EPB41L4A: variants seen among roughly 807,000 people sequenced by gnomAD.
EPB41L4A encodes erythrocyte membrane protein band 4.1 like 4A.
Under a neutral mutation model 108.6 loss-of-function variants are expected in EPB41L4A, and 100 were observed. The ratio of observed to expected loss-of-function variants is 0.92; its 90% confidence interval spans 0.78 to 1.09. The LOEUF is 1.09. Among genes scored for constraint, EPB41L4A ranks in the 50% least tolerant of loss-of-function variants. The pLI, the probability that EPB41L4A is intolerant of heterozygous loss-of-function variation, is 0.00. For synonymous variants in EPB41L4A, 319 were observed against 289.0 expected, an observed-to-expected ratio of 1.10 and a Z score of -1.05; for missense variants, 1,030 against 842.7, an observed-to-expected ratio of 1.22 and a Z score of -2.75.
intron 4 of EPB41L4A, among the ~76,000 whole-genome samples, chr5:112,274,443 G>C (rs961402005): frequency 6.6e-6 from 1 of 152,132 alleles, no homozygotes. Flanking sequence ...GGTCCAATTA[G>C]CCTACCCTCT....
intron 1 of EPB41L4A, among the ~76,000 whole-genome samples, chr5:112,393,066 C>T (rs950067479): frequency 1.3e-5 from 2 of 152,118 alleles, no homozygotes; most frequent in African/African-American, 4.8e-5. Flanking sequence ...CAACGTACCA[C>T]AATCTCTGGG....
At chr5:112,390,592 C>G (rs151048054) in intron 1 of EPB41L4A, among the ~76,000 whole-genome samples, 5 of 152,210 alleles carry the variant, frequency 3.3e-5, no homozygotes, top group African/African-American at 7.2e-5. Context: ...GCCAGCGTGA[C>G]TCTGTAGACT....
chr5:112,334,700 G>A (rs756864903), intron 1 of EPB41L4A, among the ~76,000 whole-genome samples: 7 of 152,028 alleles, frequency 4.6e-5, no homozygotes, highest in Non-Finnish European at 5.9e-5. Flanking sequence ...GTCTTTGCCT[G>A]ACTTCTGTCT....
At chr5:112,255,488 T>C (rs755045033) in intron 9 of EPB41L4A, among the ~76,000 whole-genome samples, 1 of 152,174 alleles carries the variant, frequency 6.6e-6, no homozygotes, top group Non-Finnish European at 1.5e-5. Context: ...ACCTTGTCAA[T>C]GATCTCCTAC....
At chr5:112,179,254 G>A (rs530961611) in intron 18 of EPB41L4A, among the ~76,000 whole-genome samples, 3 of 152,076 alleles carry the variant, frequency 2.0e-5, no homozygotes, top group East Asian at 1.9e-4. Context: ...TTTCACTGGT[G>A]AATTCTATAT....
chr5:112,153,566 CATATAT>C (rs145070214), intron 12 of EPB41L4A, among the ~76,000 whole-genome samples: 1 of 144,974 alleles, frequency 6.9e-6, no homozygotes, highest in Non-Finnish European at 1.5e-5. Context: ...AAAAAATATA[CATATAT>C]ATATAGAGAG....
chr5:112,168,241 G>A (rs1760369956), intron 22 of EPB41L4A, among the ~76,000 whole-genome samples: 1 of 152,148 alleles, frequency 6.6e-6, no homozygotes, highest in Non-Finnish European at 1.5e-5. Flanking sequence ...ATTTTGTTAA[G>A]GCAGCTAGGT....
At chr5:112,204,964 T>C (rs1052220192) in intron 14 of EPB41L4A, among the ~76,000 whole-genome samples, 1 of 152,140 alleles carries the variant, frequency 6.6e-6, no homozygotes, top group Non-Finnish European at 1.5e-5. Context: ...GAATTTGAAC[T>C]ATAAGTTACA....
chr5:112,367,576 C>T (rs1257042884), intron 1 of EPB41L4A, among the ~76,000 whole-genome samples: 1 of 152,180 alleles, frequency 6.6e-6, no homozygotes, highest in African/African-American at 2.4e-5. Context: ...GCTCCATGAC[C>T]AGCTCCTTCC....
intron 7 of EPB41L4A, among the ~76,000 whole-genome samples, chr5:112,261,599 C>T (rs546133462): frequency 8.0e-5 from 12 of 150,438 alleles, no homozygotes; most frequent in African/African-American, 2.4e-4. Flanking sequence ...GGTTAAAACC[C>T]GGATCCAGAA....
chr5:112,373,698 C>G (rs1759634689), intron 1 of EPB41L4A, among the ~76,000 whole-genome samples: 1 of 152,198 alleles, frequency 6.6e-6, no homozygotes, highest in Admixed American at 6.5e-5. Flanking sequence ...GGAAGTCTGG[C>G]TGCAGTCCCC....
chr5:112,203,008 G>A (rs1762290465), intron 15 of EPB41L4A, among the ~76,000 whole-genome samples: 1 of 152,052 alleles, frequency 6.6e-6, no homozygotes, highest in African/African-American at 2.4e-5. Context: ...TTCAAGACCA[G>A]CCTGGGCAAC....
At chr5:112,346,320 G>C (rs1168777739) in intron 1 of EPB41L4A, among the ~76,000 whole-genome samples, 1 of 142,462 alleles carries the variant, frequency 7.0e-6, no homozygotes, top group Non-Finnish European at 1.5e-5. Context: ...CCGCCTCCCG[G>C]GTTCAAGCGA....
intron 1 of EPB41L4A, among the ~76,000 whole-genome samples, chr5:112,345,167 C>A (rs982054939): frequency 9.2e-5 from 14 of 152,306 alleles, no homozygotes; most frequent in African/African-American, 3.4e-4. Context: ...TGGCCCACAG[C>A]ATGTCCAGAG....
At position 112,387,031 on chromosome 5, in the gene EPB41L4A, T is replaced by C. The variant is rs554695799; in HGVS notation, c.99+31910A>G. ...GTGCTGCCACCTTTGGATACTGATT[T>C]AAGGCCTCTATTGCTTCAAAGTGAA... On this transcript the variant is annotated intron_variant, in intron 1 of 22. Coordinates refer to ENST00000261486, the MANE Select transcript of EPB41L4A (RefSeq NM_022140.5). Among the ~76,000 whole-genome samples, 1,420 of 152,304 alleles carry C rather than the reference T, an allele frequency of 9.3e-3. 29 individuals are homozygous for C. The highest frequency in any genetic ancestry group is 0.033 in the African/African-American group (1,351 of 41,560).
intron 1 of EPB41L4A, among the ~76,000 whole-genome samples, chr5:112,316,433 G>C (rs1351101335): frequency 6.6e-6 from 1 of 152,066 alleles, no homozygotes; most frequent in Non-Finnish European, 1.5e-5. Flanking sequence ...ATTACGATAA[G>C]GCAAAGTGGG....
intron 1 of EPB41L4A, among the ~76,000 whole-genome samples, chr5:112,319,089 G>A (rs1465910172): frequency 6.6e-6 from 1 of 152,096 alleles, no homozygotes; most frequent in African/African-American, 2.4e-5. Context: ...CCACTCCTTG[G>A]AAAACAGACT....
intron 1 of EPB41L4A, among the ~76,000 whole-genome samples, chr5:112,414,394 G>GTGAT (rs1762583382): frequency 1.3e-5 from 2 of 152,210 alleles, no homozygotes; most frequent in Admixed American, 6.5e-5. Flanking sequence ...TCAACGGAGG[G>GTGAT]TGATTATGCC....
chr5:112,237,986 T>C (rs1749475026), intron 11 of EPB41L4A, among the ~76,000 whole-genome samples: 1 of 152,222 alleles, frequency 6.6e-6, no homozygotes, highest in Non-Finnish European at 1.5e-5. Flanking sequence ...CAAAATCCAA[T>C]AACTTCCTAA....
Sources: gnomAD v4.1 joint callset for allele counts (sites outside exome capture counted in the v4.1 genomes callset) on GRCh38, gnomAD v4.1.1 for gene constraint, MANE v1.5 for transcripts, NCBI Gene and HGNC (gene_info 2026-07-23, HGNC 2026-07-21) for gene names.